Variants in GPC5 observed in about 807,000 individuals in gnomAD.
GPC5 encodes glypican-5.
Under a neutral mutation model 53.9 loss-of-function variants are expected in GPC5, and 47 were observed. The ratio of observed to expected loss-of-function variants is 0.87; its 90% confidence interval spans 0.69 to 1.11. The LOEUF is 1.11. Ranked by LOEUF, GPC5 falls within the 50% of genes most tolerant of loss-of-function variation. GPC5 has a pLI of 0.00. For missense variants in GPC5, 748 were observed against 713.1 expected, an observed-to-expected ratio of 1.05 and a Z score of -0.56; for synonymous variants, 286 against 263.3, an observed-to-expected ratio of 1.09 and a Z score of -0.84.
rs202239535 is a variant in GPC5 at position 92,608,252 on chromosome 13, C to T, written c.1562-258030C>T. 1.1e-4 allele frequency among the ~76,000 whole-genome samples: 16 copies of T among 152,252 alleles called. No homozygotes were observed. In the East Asian group the frequency reaches 2.5e-3, roughly 24 times the overall value. On this transcript the variant is annotated intron_variant, in intron 7 of 7. Coordinates refer to ENST00000377067, the MANE Select transcript of GPC5 (RefSeq NM_004466.6). The stretch of plus-strand genomic sequence containing the variant: ...TAGCACCTCCAACTCTTACATTCTT[C>T]GAGGGTCAACTGTACGTTGTTATTA...
At chr13:92,700,211 G>T (rs1222341670) in intron 7 of GPC5, among the ~76,000 whole-genome samples, 1 of 149,766 alleles carries the variant, frequency 6.7e-6, no homozygotes, top group Non-Finnish European at 1.5e-5. Context: ...GAACTTTGTT[G>T]GTTTGAAGTC....
intron 2 of GPC5, among the ~76,000 whole-genome samples, chr13:91,511,987 C>A (rs1885254046): frequency 6.6e-6 from 1 of 152,132 alleles, no homozygotes; most frequent in Non-Finnish European, 1.5e-5. Flanking sequence ...AATATCCCTT[C>A]TCCAGTTAAG....
chr13:91,494,640 G>C (rs139607859), intron 2 of GPC5, among the ~76,000 whole-genome samples: 323 of 152,134 alleles, frequency 2.1e-3, no homozygotes, highest in African/African-American at 7.6e-3. Flanking sequence ...TCTCCACATC[G>C]TTAAATCCAG....
At chr13:92,854,649 C>T (rs1326031071) in intron 7 of GPC5, among the ~76,000 whole-genome samples, 1 of 151,952 alleles carries the variant, frequency 6.6e-6, no homozygotes, top group Non-Finnish European at 1.5e-5. Context: ...GCCTCATTTA[C>T]TCCATGATAA....
intron 7 of GPC5, among the ~76,000 whole-genome samples, chr13:92,508,202 T>C (rs1880442712): frequency 6.6e-6 from 1 of 152,176 alleles, no homozygotes; most frequent in African/African-American, 2.4e-5. Flanking sequence ...GACTTCGTGA[T>C]CTTCCCGCCT....
chr13:92,621,054 G>A (rs1884853185), intron 7 of GPC5, among the ~76,000 whole-genome samples: 1 of 152,174 alleles, frequency 6.6e-6, no homozygotes, highest in Non-Finnish European at 1.5e-5. Flanking sequence ...CCTACAGTGG[G>A]AAGCTGGGGT....
chr13:91,749,096 T>C (rs1464469798), intron 4 of GPC5, among the ~76,000 whole-genome samples: 1 of 152,166 alleles, frequency 6.6e-6, no homozygotes, highest in Non-Finnish European at 1.5e-5. Flanking sequence ...GGATATGTTG[T>C]GTAGTAGTGA....
At chr13:92,166,942 TCTCTCTCTCTCTCTCACACACA>T (rs1442311655) in intron 7 of GPC5, among the ~76,000 whole-genome samples, 15 of 110,524 alleles carry the variant, frequency 1.4e-4, no homozygotes, top group Non-Finnish European at 2.0e-4. Context: ...TCTCTCTCTC[TCTCTCTCTCTCTCTCACACACA>T]CACACACACA....
chr13:91,802,253 G>T (rs1242815534), intron 5 of GPC5, among the ~76,000 whole-genome samples: 1 of 151,976 alleles, frequency 6.6e-6, no homozygotes, highest in Non-Finnish European at 1.5e-5. Context: ...TCCCTCTGGT[G>T]GGTTCGTGGT....
At chr13:92,506,321 A>G (rs954286885) in intron 7 of GPC5, among the ~76,000 whole-genome samples, 6 of 152,134 alleles carry the variant, frequency 3.9e-5, no homozygotes, top group African/African-American at 1.4e-4. Flanking sequence ...ACAATATTAC[A>G]CTGTTTATAT....
At chr13:92,494,624 T>C (rs1457936589) in intron 7 of GPC5, among the ~76,000 whole-genome samples, 2 of 152,196 alleles carry the variant, frequency 1.3e-5, no homozygotes, top group Non-Finnish European at 2.9e-5. Context: ...TTTCCAACAA[T>C]AGTTCTCTTA....
At position 91,435,598 on chromosome 13, in the gene GPC5, T is replaced by C. The variant is rs1451702184; in HGVS notation, c.164-13163T>C. Among the ~76,000 whole-genome samples the C allele has an allele frequency of 2.0e-5, 3 of 152,240 alleles. 1 individual carries two copies. The highest frequency in any genetic ancestry group is 4.1e-4 in the South Asian group (2 of 4,826). On this transcript the variant is annotated intron_variant, in intron 1 of 7. Transcript: ENST00000377067. ...CTGGATTCGATTTGCCAGTATTTTA[T>C]TGAGGATTTTTGCATCGATGTTCAT...
intron 7 of GPC5, among the ~76,000 whole-genome samples, chr13:92,465,870 T>C (rs1055201178): frequency 6.6e-6 from 1 of 151,754 alleles, no homozygotes; most frequent in African/African-American, 2.4e-5. Context: ...CACAGAAGGA[T>C]AAATACTGCA....
intron 7 of GPC5, among the ~76,000 whole-genome samples, chr13:92,403,262 T>C (rs1446472022): frequency 6.6e-6 from 1 of 152,188 alleles, no homozygotes; most frequent in African/African-American, 2.4e-5. Flanking sequence ...TTAAAACATA[T>C]GTAGTTTTTC....
chr13:92,538,636 C>T (rs889629853), intron 7 of GPC5, among the ~76,000 whole-genome samples: 4 of 143,808 alleles, frequency 2.8e-5, no homozygotes, highest in Admixed American at 1.4e-4. Flanking sequence ...CAGCAGGCCC[C>T]GGTGTGTGAT....
chr13:91,814,688 C>T (rs933030402), intron 5 of GPC5, among the ~76,000 whole-genome samples: 27 of 151,970 alleles, frequency 1.8e-4, no homozygotes, highest in African/African-American at 6.3e-4. Context: ...TTACAGGCAC[C>T]CATCACCATG....
At chr13:92,131,744 AT>A (rs887246375) in intron 6 of GPC5, among the ~76,000 whole-genome samples, 1 of 151,724 alleles carries the variant, frequency 6.6e-6, no homozygotes, top group African/African-American at 2.4e-5. Context: ...TTCTAAGATG[AT>A]TTTTTTTATC....
At chr13:92,752,829 G>A (rs541863393) in intron 7 of GPC5, among the ~76,000 whole-genome samples, 110 of 152,266 alleles carry the variant, frequency 7.2e-4, no homozygotes, top group Non-Finnish European at 9.8e-4. Context: ...CACCTGGCTC[G>A]GAGGGACCTA....
chr13:92,352,181 A>G (rs754082109), intron 7 of GPC5, among the ~76,000 whole-genome samples: 24 of 152,206 alleles, frequency 1.6e-4, no homozygotes, highest in Admixed American at 1.3e-4. Context: ...TCAATGCCAC[A>G]GAGAAGGGGC....
Sources: gnomAD v4.1 joint callset for allele counts (sites outside exome capture counted in the v4.1 genomes callset) on GRCh38, gnomAD v4.1.1 for gene constraint, MANE v1.5 for transcripts, NCBI Gene and HGNC (gene_info 2026-07-23, HGNC 2026-07-21) for gene names.